APBB2: variants seen among roughly 807,000 people sequenced by gnomAD.
APBB2 encodes amyloid beta precursor protein binding family B member 2.
A neutral mutation model predicts 82.5 loss-of-function variants in APBB2; 38 were observed. The observed-to-expected ratio is 0.46, with a 90% confidence interval of 0.36 to 0.60. APBB2 has a LOEUF of 0.60. Among genes scored for constraint, APBB2 ranks in the 20% least tolerant of loss-of-function variants. APBB2 has a pLI of 0.00. For missense variants in APBB2, 772 were observed against 972.3 expected (o/e 0.79, Z 2.74); for synonymous variants, 341 against 368.2 (o/e 0.93, Z 0.85).
At chr4:41,091,524 G>C (rs572300724) in intron 3 of APBB2, among the ~76,000 whole-genome samples, 1 of 152,178 alleles carries the variant, frequency 6.6e-6, no homozygotes, top group South Asian at 2.1e-4. Context: ...GCCTTTTAGG[G>C]GAGCAACATA....
intron 1 of APBB2, among the ~76,000 whole-genome samples, chr4:41,161,056 A>G (rs1168679371): frequency 6.6e-6 from 1 of 151,878 alleles, no homozygotes; most frequent in East Asian, 1.9e-4. Context: ...CTTTGGGGAT[A>G]AGACTACCCC....
At chr4:41,045,821 T>C (rs1311661144) in intron 4 of APBB2, among the ~76,000 whole-genome samples, 1 of 152,256 alleles carries the variant, frequency 6.6e-6, no homozygotes, top group African/African-American at 2.4e-5. Context: ...ATATTCCTAG[T>C]GCCTGGCACA....
chr4:40,860,911 T>C (rs1279066521), intron 12 of APBB2, among the ~76,000 whole-genome samples: 1 of 152,196 alleles, frequency 6.6e-6, no homozygotes, highest in African/African-American at 2.4e-5. Flanking sequence ...ATCTCTCCCA[T>C]GAGGCCTTTC....
intron 12 of APBB2, chr4:40,880,785 T>C (rs1344095669): frequency 1.0e-6 from 1 of 985,274 alleles, no homozygotes; most frequent in Non-Finnish European, 1.2e-6. Flanking sequence ...TGCTCTCTCT[T>C]GACACAACAG....
At chr4:40,876,999 C>A (rs943482378) in intron 12 of APBB2, among the ~76,000 whole-genome samples, 3 of 152,254 alleles carry the variant, frequency 2.0e-5, no homozygotes, top group Non-Finnish European at 4.4e-5. Flanking sequence ...CTGACCACCA[C>A]TATGGGTGGG....
At chr4:40,841,337 C>T (rs1755740483) in intron 12 of APBB2, among the ~76,000 whole-genome samples, 1 of 152,186 alleles carries the variant, frequency 6.6e-6, no homozygotes, top group African/African-American at 2.4e-5. Flanking sequence ...ATCATTCATT[C>T]AAGGAGAATT....
chr4:40,927,909 C>G (rs1423711032), intron 10 of APBB2, among the ~76,000 whole-genome samples: 1 of 152,184 alleles, frequency 6.6e-6, no homozygotes, highest in East Asian at 1.9e-4. Flanking sequence ...ATATATATTT[C>G]AAAGCATTAA....
At chr4:41,155,656 C>G (rs1405094374) in intron 1 of APBB2, among the ~76,000 whole-genome samples, 1 of 152,202 alleles carries the variant, frequency 6.6e-6, no homozygotes, top group Non-Finnish European at 1.5e-5. Context: ...TGGTGCTACC[C>G]GTCAAGCATG....
chr4:40,950,780 T>C (rs1048789634), intron 6 of APBB2, among the ~76,000 whole-genome samples: 1 of 151,416 alleles, frequency 6.6e-6, no homozygotes, highest in Non-Finnish European at 1.5e-5. Context: ...GAGGCGGAGG[T>C]TGCAGTGAGC....
chr4:40,818,885 T>TAA (rs1206862638), intron 17 of APBB2, among the ~76,000 whole-genome samples: 1 of 152,158 alleles, frequency 6.6e-6, no homozygotes, highest in African/African-American at 2.4e-5. Flanking sequence ...CTCATCCTTT[T>TAA]AACATTTTTA....
At chr4:41,109,295 A>ATT (rs35480977) in intron 2 of APBB2, among the ~76,000 whole-genome samples, 9 of 122,230 alleles carry the variant, frequency 7.4e-5, no homozygotes, top group East Asian at 4.4e-4. Context: ...AATCACTATA[A>ATT]TTTTCTTTTT....
At chr4:40,837,938 A>C (rs1005483968) in intron 12 of APBB2, among the ~76,000 whole-genome samples, 1 of 152,126 alleles carries the variant, frequency 6.6e-6, no homozygotes, top group Non-Finnish European at 1.5e-5. Flanking sequence ...ACTCTCCCAG[A>C]GGACCAAGAT....
chr4:40,895,744 C>CA (rs1170091423), intron 10 of APBB2, among the ~76,000 whole-genome samples: 6 of 152,198 alleles, frequency 3.9e-5, no homozygotes, highest in African/African-American at 9.7e-5. Context: ...CACAGTGTCC[C>CA]AGCTGACTCC....
chr4:41,052,773 CT>C (rs72004025), intron 4 of APBB2, among the ~76,000 whole-genome samples: 12,713 of 121,832 alleles, frequency 0.1, 1,379 homozygotes, highest in African/African-American at 0.28. Flanking sequence ...TTTCTTTCTT[CT>C]TTTTTTTTTT....
chr4:41,041,005 C>T (rs1194285767), intron 4 of APBB2, among the ~76,000 whole-genome samples: 4 of 152,072 alleles, frequency 2.6e-5, no homozygotes, highest in East Asian at 3.9e-4. Context: ...CTCAGCCTCT[C>T]GAGCAGCTGG....
intron 6 of APBB2, among the ~76,000 whole-genome samples, chr4:41,002,293 A>T (rs1805457879): frequency 6.6e-6 from 1 of 152,124 alleles, no homozygotes; most frequent in Admixed American, 6.5e-5. Context: ...CAGATGGAAG[A>T]CTCTGAGAAG....
At chr4:40,885,916 C>T (rs1208437275) in intron 12 of APBB2, among the ~76,000 whole-genome samples, 3 of 152,118 alleles carry the variant, frequency 2.0e-5, no homozygotes, top group Non-Finnish European at 4.4e-5. Flanking sequence ...ACTCAGTTTC[C>T]CAAGTGACTA....
chr4:40,986,822 T>C (rs1487703096), intron 6 of APBB2, among the ~76,000 whole-genome samples: 2 of 152,184 alleles, frequency 1.3e-5, no homozygotes, highest in East Asian at 3.8e-4. Flanking sequence ...TGAATAAACA[T>C]GCAGGTGTAA....
At chr4:41,146,806 C>T (rs1760886548) in intron 1 of APBB2, among the ~76,000 whole-genome samples, 3 of 152,278 alleles carry the variant, frequency 2.0e-5, no homozygotes, top group East Asian at 3.9e-4. Flanking sequence ...GCTCCCTTCT[C>T]GTCATCCTTT....
Sources: gnomAD v4.1 joint callset for allele counts (sites outside exome capture counted in the v4.1 genomes callset) on GRCh38, gnomAD v4.1.1 for gene constraint, MANE v1.5 for transcripts, NCBI Gene and HGNC (gene_info 2026-07-23, HGNC 2026-07-21) for gene names.